CAPZB: variants seen among roughly 807,000 people sequenced by gnomAD.
CAPZB encodes F-actin-capping protein subunit beta.
Under a neutral mutation model 38.1 loss-of-function variants are expected in CAPZB, and 2 were observed. The observed-to-expected ratio is 0.05, with a 90% CI of 0.02 to 0.17. The LOEUF (loss-of-function observed/expected upper bound fraction) is 0.17, where lower values mean the gene tolerates loss of function less well. CAPZB is among the 10% of genes least tolerant of loss of function. The pLI, the probability that CAPZB is intolerant of heterozygous loss-of-function variation, is 1.00. For missense variants in CAPZB, 161 were observed against 334.2 expected (o/e 0.48, Z 4.04); for synonymous variants, 107 against 127.4 (o/e 0.84, Z 1.08).
intron 3 of CAPZB, 83 bp downstream of exon 3, chr1:19,385,422 A>G: frequency 1.3e-6 from 2 of 1,550,460 alleles, no homozygotes; most frequent in Admixed American, 1.8e-5. Context: ...CCCAAGTCCA[A>G]GGTCCCCGTG....
chr1:19,339,423 G>A lies in CAPZB; in HGVS notation c.*107C>T. ...GTGCGGTCAATGATGCAGCTGTTAT[G>A]TGACCTGTCGGGGAGGGAAGGGACG... is the stretch of plus-strand genomic sequence containing the variant. On this transcript the variant is annotated 3_prime_UTR_variant, in exon 9 of 9. Coordinates refer to ENST00000264202, the MANE Select transcript of CAPZB (RefSeq NM_004930.5). 2.4e-6 allele frequency: 2 copies of A among 825,896 alleles called. No individual in the cohort carries two copies. Among genetic ancestry groups the A allele is most frequent in the Non-Finnish European group, 4.3e-6 (2 of 469,632 alleles). The allele number at this position is 825,896 out of a possible 1,614,324, so 51.2% of individuals were successfully genotyped here. A position where few individuals can be genotyped will look rare whatever the true frequency, so the allele number is the denominator to read the frequency against.
At chr1:19,404,232 CAAAAAAAAAAAA>C (rs35225006) in intron 2 of CAPZB, among the ~76,000 whole-genome samples, 2 of 62,432 alleles carry the variant, frequency 3.2e-5, no homozygotes, top group African/African-American at 6.9e-5. Flanking sequence ...GACTCCATCT[CAAAAAAAAAAAA>C]AAAAAAAAAA....
chr1:19,443,863 G>A (rs906261900), intron 1 of CAPZB, among the ~76,000 whole-genome samples: 1 of 152,152 alleles, frequency 6.6e-6, no homozygotes, highest in East Asian at 1.9e-4. Flanking sequence ...TGAAAGCTAT[G>A]GGCTCTCTCC....
At chr1:19,443,507 G>A (rs147635552) in intron 1 of CAPZB, among the ~76,000 whole-genome samples, 1 of 152,294 alleles carries the variant, frequency 6.6e-6, no homozygotes, top group East Asian at 1.9e-4. Context: ...GCTTTAGGGA[G>A]ACCTCAGACT....
Position 19,395,092 on chromosome 1 carries a change from G to C in CAPZB, c.94-9466C>G, listed in dbSNP as rs550423380. ...CAGCCTAAGCCACGACGCTTGGCAG[G>C]TTAGGGGGATTAAAAGCATTTTCTA... On this transcript the variant is annotated intron_variant, in intron 2 of 8. Coordinates refer to ENST00000264202, the MANE Select transcript of CAPZB (RefSeq NM_004930.5). Among the ~76,000 whole-genome samples the C allele has an allele frequency of 4.6e-5, 7 of 152,292 alleles. No homozygotes were observed. In the East Asian group the frequency reaches 1.4e-3, roughly 29 times the overall value.
At chr1:19,420,720 C>T (rs557174597) in intron 1 of CAPZB, among the ~76,000 whole-genome samples, 5 of 152,218 alleles carry the variant, frequency 3.3e-5, no homozygotes, top group African/African-American at 1.2e-4. Flanking sequence ...CATGAGCCAT[C>T]GTGCCCAGCC....
intron 1 of CAPZB, among the ~76,000 whole-genome samples, chr1:19,421,935 G>A (rs2094402872): frequency 6.6e-6 from 1 of 152,044 alleles, no homozygotes; most frequent in Non-Finnish European, 1.5e-5. Context: ...AATTTTAAAT[G>A]ATTCCCCTGC....
intron 4 of CAPZB, among the ~76,000 whole-genome samples, chr1:19,369,882 G>GC (rs2094110962): frequency 6.6e-6 from 1 of 152,188 alleles, no homozygotes; most frequent in South Asian, 2.1e-4. Context: ...GCCGTTTCCA[G>GC]CGGTGGAAAA....
intron 1 of CAPZB, among the ~76,000 whole-genome samples, chr1:19,461,990 CAATCA>C (rs2094553366): frequency 6.6e-6 from 1 of 152,118 alleles, no homozygotes; most frequent in Non-Finnish European, 1.5e-5. Flanking sequence ...ATTAATGATA[CAATCA>C]TAAAAATGAC....
intron 6 of CAPZB, among the ~76,000 whole-genome samples, chr1:19,350,081 T>G (rs1038827317): frequency 6.6e-6 from 1 of 152,234 alleles, no homozygotes; most frequent in Admixed American, 6.5e-5. Context: ...CAGGCGCCTC[T>G]CCTCCTCCCC....
At chr1:19,417,209 T>A (rs1400254980) in intron 2 of CAPZB, among the ~76,000 whole-genome samples, 1 of 152,188 alleles carries the variant, frequency 6.6e-6, no homozygotes, top group African/African-American at 2.4e-5. Flanking sequence ...AAGACACAGC[T>A]GTAGTAAAAC....
intron 2 of CAPZB, among the ~76,000 whole-genome samples, chr1:19,416,091 A>G (rs556576418): frequency 4.6e-5 from 7 of 152,366 alleles, no homozygotes; most frequent in African/African-American, 1.7e-4. Context: ...GTCCCGAGGC[A>G]GTGGAGGAAA....
intron 8 of CAPZB, among the ~76,000 whole-genome samples, chr1:19,340,210 G>A (rs1373225314): frequency 6.6e-6 from 1 of 152,214 alleles, no homozygotes; most frequent in Non-Finnish European, 1.5e-5. Flanking sequence ...CAGTGTCTCT[G>A]CGTGTCTGAG....
At chr1:19,476,213 T>C (rs113837867) in intron 1 of CAPZB, among the ~76,000 whole-genome samples, 3,887 of 122,750 alleles carry the variant, frequency 0.032, 84 homozygotes, top group African/African-American at 0.074. Flanking sequence ...GATAGATAGA[T>C]AGATAGATAG....
chr1:19,407,632 G>A (rs1168843400), intron 2 of CAPZB, among the ~76,000 whole-genome samples: 4 of 152,200 alleles, frequency 2.6e-5, no homozygotes, highest in Non-Finnish European at 5.9e-5. Context: ...GCTGAGGATT[G>A]AGGGGTCTGA....
intron 2 of CAPZB, among the ~76,000 whole-genome samples, chr1:19,409,579 G>A (rs1159084031): frequency 6.6e-6 from 1 of 152,186 alleles, no homozygotes; most frequent in Non-Finnish European, 1.5e-5. Flanking sequence ...GTAGTTAAGA[G>A]CCCCGGAGTC....
intron 1 of CAPZB, among the ~76,000 whole-genome samples, chr1:19,423,185 T>C (rs6689918): frequency 0.75 from 114,176 of 151,876 alleles, 43,169 homozygotes; most frequent in East Asian, 0.85. Context: ...ATTTCTAAGG[T>C]TAAGGATGTT....
chr1:19,475,821 C>G (rs1324031371), intron 1 of CAPZB, among the ~76,000 whole-genome samples: 1 of 152,166 alleles, frequency 6.6e-6, no homozygotes, highest in Non-Finnish European at 1.5e-5. Flanking sequence ...GGGATTCTTA[C>G]ATTTATTAAG....
chr1:19,464,767 C>T (rs377511131), intron 1 of CAPZB, among the ~76,000 whole-genome samples: 16 of 152,108 alleles, frequency 1.1e-4, no homozygotes, highest in East Asian at 3.8e-4. Flanking sequence ...AATCATGTTA[C>T]ACGAAAGAGG....
Sources: allele counts gnomAD v4.1 joint callset (sites outside exome capture counted in the v4.1 genomes callset), GRCh38; gene constraint gnomAD v4.1.1; transcripts MANE v1.5; gene names NCBI Gene and HGNC (gene_info 2026-07-23, HGNC 2026-07-21).